The following SLC35F3 variants were observed in gnomAD, a reference collection of about 807,000 sequenced individuals.
SLC35F3 encodes the protein solute carrier family 35 member F3.
In SLC35F3, 25 loss-of-function variants were observed where a neutral mutation model predicts 49.9. The ratio of observed to expected loss-of-function variants is 0.50; its 90% CI spans 0.37 to 0.70. The LOEUF (loss-of-function observed/expected upper bound fraction) is 0.70. Among genes scored for constraint, SLC35F3 ranks in the 30% least tolerant of loss-of-function variants. The probability of loss-of-function intolerance (pLI) is 0.00; values close to 1 mark genes in which losing one functional copy is unlikely to be tolerated. For synonymous variants in SLC35F3, 275 were observed against 265.4 expected (o/e 1.04, Z -0.35); for missense variants, 525 against 639.8 (o/e 0.82, Z 1.94).
At chr1:234,241,326 AG>A (rs933289203) in intron 3 of SLC35F3, among the ~76,000 whole-genome samples, 4 of 152,198 alleles carry the variant, frequency 2.6e-5, no homozygotes, top group African/African-American at 9.7e-5. Context: ...TGTGGAGGGA[AG>A]GGACCTGAGC....
intron 3 of SLC35F3, among the ~76,000 whole-genome samples, chr1:234,232,519 CAAAAAAAAAA>C (rs536692686): frequency 3.6e-4 from 26 of 72,366 alleles, no homozygotes; most frequent in East Asian, 1.5e-3. Context: ...CAGGCCTAGT[CAAAAAAAAAA>C]AAAAAAAAAA....
At chr1:234,161,079 C>A (rs1032980790) in intron 2 of SLC35F3, among the ~76,000 whole-genome samples, 9 of 152,212 alleles carry the variant, frequency 5.9e-5, no homozygotes, top group Non-Finnish European at 1.2e-4. Flanking sequence ...TGTAGTGTCA[C>A]CCTGCTCTCA....
chr1:234,225,286 TG>T (rs1453927899), intron 2 of SLC35F3, among the ~76,000 whole-genome samples: 1 of 152,236 alleles, frequency 6.6e-6, no homozygotes, highest in East Asian at 1.9e-4. Context: ...ATGGATTGTT[TG>T]GAAGACAAGT....
At chr1:234,127,335 C>T (rs558236555) in intron 2 of SLC35F3, among the ~76,000 whole-genome samples, 1 of 152,304 alleles carries the variant, frequency 6.6e-6, no homozygotes, top group South Asian at 2.1e-4. Flanking sequence ...ATTATTTTAT[C>T]TCATCTTATG....
intron 2 of SLC35F3, among the ~76,000 whole-genome samples, chr1:233,977,986 T>C (rs935226333): frequency 1.2e-4 from 19 of 152,198 alleles, no homozygotes; most frequent in Non-Finnish European, 2.9e-5. Context: ...CGACAAGGGA[T>C]AGCAACTCAT....
At chr1:234,222,918 C>T (rs1485301725) in intron 2 of SLC35F3, among the ~76,000 whole-genome samples, 3 of 152,190 alleles carry the variant, frequency 2.0e-5, no homozygotes, top group Non-Finnish European at 4.4e-5. Context: ...ATCATGTGCC[C>T]AGGCCACAGA....
At chr1:234,317,693 C>G (rs960783206) in intron 5 of SLC35F3, among the ~76,000 whole-genome samples, 2 of 152,206 alleles carry the variant, frequency 1.3e-5, no homozygotes, top group African/African-American at 2.4e-5. Context: ...GAGGAAGACA[C>G]ACATGTCATT....
At chr1:233,960,545 C>T (rs1662782488) in intron 2 of SLC35F3, among the ~76,000 whole-genome samples, 1 of 152,180 alleles carries the variant, frequency 6.6e-6, no homozygotes, top group South Asian at 2.1e-4. Context: ...GACTTGGATG[C>T]CCACTGTGAA....
chr1:234,007,745 T>A (rs779837682), intron 2 of SLC35F3, among the ~76,000 whole-genome samples: 1 of 152,186 alleles, frequency 6.6e-6, no homozygotes, highest in Non-Finnish European at 1.5e-5. Flanking sequence ...ATTGCAATGA[T>A]CTCAATATAC....
chr1:233,995,980 C>A (rs991086084), intron 2 of SLC35F3, among the ~76,000 whole-genome samples: 2 of 152,118 alleles, frequency 1.3e-5, no homozygotes, highest in Non-Finnish European at 2.9e-5. Context: ...ATTCTGAGTG[C>A]CTGGCAGACT....
chr1:233,984,790 G>A (rs1184773461), intron 2 of SLC35F3, among the ~76,000 whole-genome samples: 1 of 152,130 alleles, frequency 6.6e-6, no homozygotes, highest in Non-Finnish European at 1.5e-5. Flanking sequence ...TCTTTGGTGG[G>A]GGTCTAGGAT....
At chr1:234,159,544 T>C (rs532787675) in intron 2 of SLC35F3, among the ~76,000 whole-genome samples, 3 of 151,944 alleles carry the variant, frequency 2.0e-5, no homozygotes, top group Non-Finnish European at 4.4e-5. Flanking sequence ...ACCACTGCAC[T>C]CCGTCTCAAA....
At chr1:234,168,414 C>T (rs1324177763) in intron 2 of SLC35F3, among the ~76,000 whole-genome samples, 4 of 152,222 alleles carry the variant, frequency 2.6e-5, no homozygotes, top group Non-Finnish European at 5.9e-5. Context: ...CCTCTAGAGC[C>T]CTTCATTCTC....
chr1:233,965,252 A>G (rs1662884185), intron 2 of SLC35F3, among the ~76,000 whole-genome samples: 1 of 152,212 alleles, frequency 6.6e-6, no homozygotes, highest in South Asian at 2.1e-4. Flanking sequence ...AGATATACAC[A>G]TATTCTTTGG....
At chr1:234,285,703 G>C (rs1276091098) in intron 3 of SLC35F3, among the ~76,000 whole-genome samples, 1 of 152,220 alleles carries the variant, frequency 6.6e-6, no homozygotes. Context: ...ATTAGTAGGA[G>C]GCAGCTCACG....
intron 2 of SLC35F3, among the ~76,000 whole-genome samples, chr1:234,097,726 A>G (rs1665145481): frequency 6.6e-6 from 1 of 152,258 alleles, no homozygotes; most frequent in Non-Finnish European, 1.5e-5. Flanking sequence ...AAGGAGAAGA[A>G]GGAATCCAGG....
chr1:234,231,642 C>G lies in SLC35F3; in HGVS notation c.509C>G (p.Thr170Arg), dbSNP rs752425895. 6.2e-7 allele frequency: 1 copy of G among 1,614,226 alleles called. No individual in the cohort carries two copies. The highest frequency in any genetic ancestry group is 1.7e-5 in the Admixed American group (1 of 60,032). ...FRKFDAPFTL[T>R]WFATNWNFLF... ...AAGTTCGACGCGCCCTTCACCCTCA[C>G]GTGGTTTGCCACCAACTGGAACTTT... is the stretch of plus-strand genomic sequence containing the variant. The change falls in exon 3 of 8, where the codon ACG becomes AGG. Residue 170 changes from threonine (T) to arginine (R), a missense_variant. Thr to Arg is a moderately conservative substitution (Grantham distance 71). This residue lies in a region of SLC35F3 where 216 missense variants were observed against 298.1 expected (regional missense o/e 0.72). Transcript: ENST00000366618. This position sits in a 1 kb window ranked among gnomAD's most constrained non-coding sequence, Gnocchi z 5.4.
chr1:233,980,521 T>G (rs1663165966), intron 2 of SLC35F3, among the ~76,000 whole-genome samples: 1 of 152,220 alleles, frequency 6.6e-6, no homozygotes. Flanking sequence ...TCAGGGTTAT[T>G]GCTTTCTAGA....
chr1:233,947,129 C>T (rs954302062), intron 2 of SLC35F3, among the ~76,000 whole-genome samples: 9 of 152,056 alleles, frequency 5.9e-5, no homozygotes, highest in African/African-American at 2.2e-4. Flanking sequence ...GTAAAAACTC[C>T]TAAATTTTAA....
Sources: allele counts gnomAD v4.1 joint callset (sites outside exome capture counted in the v4.1 genomes callset), GRCh38; gene constraint gnomAD v4.1.1; regional missense constraint gnomAD v4.1.1; non-coding constraint Gnocchi (gnomAD v3.1); transcripts MANE v1.5; gene names NCBI Gene and HGNC (gene_info 2026-07-23, HGNC 2026-07-21).